Variants in LRRC74A observed in about 807,000 individuals in gnomAD.
The protein encoded by LRRC74A is leucine-rich repeat-containing protein 74A.
LRRC74A carries 44 observed loss-of-function variants against 57.9 expected under a neutral mutation model. The ratio of observed to expected loss-of-function variants is 0.76; its 90% CI spans 0.60 to 0.98. LRRC74A has a LOEUF of 0.98. Ranked by LOEUF, LRRC74A falls within the 50% of genes least tolerant of loss-of-function variation. The pLI, the probability that LRRC74A is intolerant of heterozygous loss-of-function variation, is 0.00. For missense variants in LRRC74A, 572 were observed against 574.0 expected, an observed-to-expected ratio of 1.00 and a Z score of 0.04; for synonymous variants, 211 against 219.4, an observed-to-expected ratio of 0.96 and a Z score of 0.34.
intron 9 of LRRC74A, among the ~76,000 whole-genome samples, chr14:76,854,913 C>A (rs1897776681): frequency 6.6e-6 from 1 of 152,102 alleles, no homozygotes; most frequent in Admixed American, 6.6e-5. Context: ...GCTCTGTTAG[C>A]CCCACTTGTC....
At chr14:76,857,511 A>G in intron 10 of LRRC74A, 36 bp downstream of exon 10, 2 of 1,431,494 alleles carry the variant, frequency 1.4e-6, no homozygotes, top group Non-Finnish European at 1.9e-6. Context: ...GCGTCTGGGC[A>G]CAAGCCAGTG....
At chr14:76,828,262 G>C in intron 1 of LRRC74A, 29 bp from the exon 2 acceptor site, 1 of 1,564,976 alleles carries the variant, frequency 6.4e-7, no homozygotes, top group Non-Finnish European at 8.7e-7. Flanking sequence ...TTTATTCCTG[G>C]CATCAAGGAG....
intron 7 of LRRC74A, among the ~76,000 whole-genome samples, chr14:76,849,219 A>G (rs980151553): frequency 1.3e-5 from 2 of 152,046 alleles, no homozygotes; most frequent in African/African-American, 4.8e-5. Flanking sequence ...GCAGTGGCAC[A>G]ATCTTGGCTC....
chr14:76,849,869 G>A (rs1237107759), intron 7 of LRRC74A, among the ~76,000 whole-genome samples: 2 of 150,362 alleles, frequency 1.3e-5, no homozygotes, highest in Non-Finnish European at 3.0e-5. Flanking sequence ...ATTGCTATGT[G>A]ACAGGCATCA....
chr14:76,847,020 TG>T (rs1897155141), intron 7 of LRRC74A, among the ~76,000 whole-genome samples: 1 of 152,136 alleles, frequency 6.6e-6, no homozygotes. Flanking sequence ...AACTGACCTT[TG>T]GGTCACTCCG....
chr14:76,831,945 C>T (rs1896004573), intron 3 of LRRC74A, among the ~76,000 whole-genome samples: 2 of 152,172 alleles, frequency 1.3e-5, no homozygotes, highest in Admixed American at 1.3e-4. Flanking sequence ...CTGATTTACA[C>T]ACAAAACTGA....
intron 5 of LRRC74A, among the ~76,000 whole-genome samples, chr14:76,840,448 C>A (rs1037693398): frequency 1.3e-5 from 2 of 152,088 alleles, no homozygotes; most frequent in African/African-American, 4.8e-5. Flanking sequence ...CCAGGTACTC[C>A]AGCATCATCA....
At chr14:76,840,763 TTAG>T (rs1284342459) in intron 5 of LRRC74A, among the ~76,000 whole-genome samples, 1 of 151,812 alleles carries the variant, frequency 6.6e-6, no homozygotes, top group African/African-American at 2.4e-5. Context: ...TTTTGTATTT[TTAG>T]TAGAGACGGG....
intron 5 of LRRC74A, among the ~76,000 whole-genome samples, chr14:76,838,489 TA>T (rs371318722): frequency 0.038 from 5,766 of 152,210 alleles, 154 homozygotes; most frequent in Middle Eastern, 0.078. Flanking sequence ...CTTTGCAGCA[TA>T]GAAAGACAAA....
At chr14:76,832,102 T>C (rs559865389) in intron 3 of LRRC74A, among the ~76,000 whole-genome samples, 1 of 152,254 alleles carries the variant, frequency 6.6e-6, no homozygotes, top group East Asian at 1.9e-4. Context: ...ACATTTAAAA[T>C]TGGTAATAGT....
At chr14:76,843,906 G>A (rs1368468593) in intron 5 of LRRC74A, among the ~76,000 whole-genome samples, 1 of 151,894 alleles carries the variant, frequency 6.6e-6, no homozygotes, top group Non-Finnish European at 1.5e-5. Context: ...TTGCCATATT[G>A]GCCAGACTGG....
At chr14:76,844,983 A>G (rs1897026108) in intron 7 of LRRC74A, 82 bp downstream of exon 7, 1 of 733,710 alleles carries the variant, frequency 1.4e-6, no homozygotes, top group African/African-American at 1.8e-5. Flanking sequence ...CCTTTTAAAC[A>G]TGATTTTTAA....
intron 3 of LRRC74A, among the ~76,000 whole-genome samples, chr14:76,832,301 G>C (rs1321665843): frequency 6.6e-6 from 1 of 152,138 alleles, no homozygotes; most frequent in African/African-American, 2.4e-5. Context: ...ATTTCCCTAA[G>C]GAGTTCTGGT....
At chr14:76,843,997 A>C (rs1231887634) in intron 5 of LRRC74A, among the ~76,000 whole-genome samples, 2 of 148,280 alleles carry the variant, frequency 1.3e-5, no homozygotes, top group African/African-American at 2.5e-5. Flanking sequence ...CACAGTACCC[A>C]GGCTCCTTTT....
intron 7 of LRRC74A, among the ~76,000 whole-genome samples, chr14:76,849,858 G>T (rs755466546): frequency 6.6e-6 from 1 of 150,552 alleles, no homozygotes; most frequent in Non-Finnish European, 1.5e-5. Context: ...TATTTGAAGT[G>T]ATTGCTATGT....
rs769863405 is a variant in LRRC74A at position 76,870,106 on chromosome 14, C to A, written c.1392-19C>A. On this transcript the variant is annotated intron_variant, in intron 13 of 13. Transcript: ENST00000689127. ...GGCTGTACGGGTGCTCAGCATCTTT[C>A]CCTTACCTTTCGTACCAGTTTCTTG... is the stretch of plus-strand genomic sequence containing the variant. The A allele has an allele frequency of 1.9e-6, 3 of 1,610,096 alleles. No individual in the cohort carries two copies. Among genetic ancestry groups the A allele is most frequent in the Middle Eastern group, 1.7e-4 (1 of 6,060 alleles).
intron 6 of LRRC74A, 72 bp downstream of exon 6, chr14:76,844,544 A>G (rs891214231): frequency 4.1e-6 from 6 of 1,460,572 alleles, no homozygotes; most frequent in African/African-American, 2.8e-5. Context: ...TGGGGCTGCT[A>G]TGGGCACAGT....
At chr14:76,860,937 T>C (rs1898254827) in intron 11 of LRRC74A, 98 bp downstream of exon 11, 1 of 1,157,968 alleles carries the variant, frequency 8.6e-7, no homozygotes, top group Non-Finnish European at 1.2e-6. Flanking sequence ...CCCCACAGTG[T>C]CTGTACAACC....
chr14:76,867,134 A>AGT (rs1247396332), intron 12 of LRRC74A, among the ~76,000 whole-genome samples: 34 of 244 alleles, frequency 0.14, no homozygotes, highest in Admixed American at 0.33. Flanking sequence ...TGTGTGTGGT[A>AGT]GTGTGGGGGG....
Sources: allele counts gnomAD v4.1 joint callset (sites outside exome capture counted in the v4.1 genomes callset), GRCh38; gene constraint gnomAD v4.1.1; transcripts MANE v1.5; gene names NCBI Gene and HGNC (gene_info 2026-07-23, HGNC 2026-07-21).